Variants in IKZF4 observed in about 807,000 individuals in gnomAD.
IKZF4 encodes zinc finger protein Eos.
IKZF4 carries 11 observed loss-of-function variants against 47.7 expected under a neutral mutation model. The observed-to-expected ratio is 0.23, with a 90% CI of 0.15 to 0.38. The LOEUF is 0.38. Among genes scored for constraint, IKZF4 ranks in the 10% least tolerant of loss-of-function variants. The pLI is 1.00. For synonymous variants in IKZF4, 298 were observed against 299.4 expected (o/e 1.00, Z 0.05); for missense variants, 557 against 784.9 (o/e 0.71, Z 3.47).
At chr12:56,032,166 C>A in intron 5 of IKZF4, 1 of 163,734 alleles carries the variant, frequency 6.1e-6, no homozygotes, top group Non-Finnish European at 1.3e-5. Flanking sequence ...CATCCGCCTG[C>A]CAAATGGAAA....
intron 5 of IKZF4, among the ~76,000 whole-genome samples, chr12:56,031,469 T>C (rs975590681): frequency 6.6e-6 from 1 of 152,180 alleles, no homozygotes; most frequent in African/African-American, 2.4e-5. Flanking sequence ...CCAAGGGTCT[T>C]TGGGTGGATA....
chr12:56,020,301 G>A (rs1892678195), upstream of IKZF4, among the ~76,000 whole-genome samples: 1 of 152,142 alleles, frequency 6.6e-6, no homozygotes, highest in East Asian at 1.9e-4. Context: ...TTCCCTTCTG[G>A]GGCAGGGAAA....
At chr12:56,025,186 G>A (rs1250239425) in intron 3 of IKZF4, 28 bp downstream of exon 3, 4 of 1,513,430 alleles carry the variant, frequency 2.6e-6, no homozygotes, top group Non-Finnish European at 3.5e-6. Flanking sequence ...CCACCTCCTG[G>A]CAGTAGGCAC....
chr12:56,025,017 C>T, intron 2 of IKZF4, 37 bp from the exon 3 acceptor site: 2 of 1,556,232 alleles, frequency 1.3e-6, no homozygotes, highest in Non-Finnish European at 8.7e-7. Context: ...ATATCTCCAG[C>T]TCCAGCTTTA....
chr12:56,007,946 A>G (rs1459595271), intron 1 of IKZF4, among the ~76,000 whole-genome samples: 2 of 151,964 alleles, frequency 1.3e-5, no homozygotes, highest in Non-Finnish European at 2.9e-5. Context: ...AGAGCGAGGT[A>G]GCAGGGACTC....
intron 1 of IKZF4, 165 bp downstream of exon 1, chr12:56,021,745 G>A: frequency 3.8e-6 from 4 of 1,063,172 alleles, no homozygotes; most frequent in South Asian, 3.2e-5. Context: ...GGGGGAGGGG[G>A]CGTTCCTCCT....
intron 3 of IKZF4, 23 bp downstream of exon 3, chr12:56,025,181 T>G: frequency 6.6e-7 from 1 of 1,522,378 alleles, no homozygotes; most frequent in Non-Finnish European, 8.8e-7. Context: ...TCCTACCACC[T>G]CCTGGCAGTA....
At position 56,027,044 on chromosome 12, in the gene IKZF4, A is replaced by G. The variant is rs747109118; in HGVS notation, c.547+3A>G. On this transcript the variant is annotated splice_donor_region_variant and intron_variant, in intron 4 of 7. Coordinates refer to ENST00000547167, the MANE Select transcript of IKZF4 (RefSeq NM_022465.4). ...GGTGCACAAGCGCAGTCACACTGGT[A>G]AGTAAGCCAGAGGGGCTCTGGGAGG... 3.8e-5 allele frequency: 58 copies of G among 1,509,632 alleles called. No individual in the cohort carries two copies. The highest frequency in any genetic ancestry group is 4.3e-5 in the Non-Finnish European group (48 of 1,125,246). The allele number at this position is 1,509,632 out of a possible 1,614,324, so 93.5% of individuals were successfully genotyped here.
chr12:56,019,224 G>A (rs1312980291), upstream of IKZF4: 3 of 262,816 alleles, frequency 1.1e-5, no homozygotes, highest in Non-Finnish European at 1.8e-5. Context: ...AGAAATAATA[G>A]AAACCAAAAC....
At chr12:56,020,150 A>G (rs1170042430), upstream of IKZF4, among the ~76,000 whole-genome samples, 1 of 152,252 alleles carries the variant, frequency 6.6e-6, no homozygotes, top group East Asian at 1.9e-4. Context: ...CTTCTGCTCC[A>G]CGCCAGGTGA....
Position 56,034,867 on chromosome 12 carries a change from G to T in IKZF4, c.1294G>T (p.Gly432Cys), listed in dbSNP as rs1279077738. Residue 432 changes from glycine to cysteine, a missense_variant, in exon 8 of 8, where the codon GGT (glycine) becomes TGT (cysteine). This residue lies in a region of IKZF4 where 280 missense variants were observed against 314.0 expected (regional missense o/e 0.89). Transcript: ENST00000547167. Reference sequence around the variant, plus strand: ...GGGACCTGAGGACCTGGCTGATGGAGGTCCCCTCCTCTACCGGCCCCGAGG... The same window carrying T: ...GGGACCTGAGGACCTGGCTGATGGATGTCCCCTCCTCTACCGGCCCCGAGG... ...GEGPEDLADG[G>C]PLLYRPRGPL... 1 of 1,612,182 alleles carries T rather than the reference G, an allele frequency of 6.2e-7. No homozygotes were observed.
chr12:56,025,607 G>T (rs1893832813), intron 3 of IKZF4, among the ~76,000 whole-genome samples: 1 of 152,116 alleles, frequency 6.6e-6, no homozygotes, highest in Non-Finnish European at 1.5e-5. Context: ...AGGAATGTAG[G>T]TCGGAGCTAG....
At position 56,036,910 on chromosome 12, in the gene IKZF4, A is replaced by T. The variant is rs1322782973; in HGVS notation, c.*1579A>T. The T allele has an allele frequency of 6.6e-6, 1 of 151,460 alleles. No homozygotes were observed. Among genetic ancestry groups the T allele is most frequent in the African/African-American group, 2.4e-5 (1 of 41,192 alleles). The allele number at this position is 151,460 out of a possible 1,614,324, so 9.4% of individuals were successfully genotyped here. A position where few individuals can be genotyped will look rare whatever the true frequency, so the allele number is the denominator to read the frequency against. On this transcript the variant is annotated 3_prime_UTR_variant, in exon 8 of 8. Transcript: ENST00000547167. ...AAGGCTGTTTTTCTATGTTTAAAGAAAAAAAAAAGTAAAAACCAAACACAA... is the reference window on the plus strand; with the variant it reads ...AAGGCTGTTTTTCTATGTTTAAAGATAAAAAAAAGTAAAAACCAAACACAA...
In IKZF4 at chr12:56,037,136, T is replaced by G. The variant is rs1374283561; in HGVS notation, c.*1805T>G. On this transcript the variant is annotated 3_prime_UTR_variant, in exon 8 of 8. Transcript: ENST00000547167. The stretch of plus-strand genomic sequence containing the variant: ...ACCCTGGGATTAGGGCCTTAAGGGC[T>G]CTGAGAGGAGTCTACCTTGCCTTCT... 1 of 152,240 alleles carries G rather than the reference T, an allele frequency of 6.6e-6. No individual in the cohort carries two copies. Among genetic ancestry groups the G allele is most frequent in the Non-Finnish European group, 1.5e-5 (1 of 68,036 alleles). The allele number at this position is 152,240 out of a possible 1,614,324, so 9.4% of individuals were successfully genotyped here. A position where few individuals can be genotyped will look rare whatever the true frequency, so the allele number is the denominator to read the frequency against.
chr12:56,035,344 C>G lies in IKZF4; in HGVS notation c.*13C>G. The G allele has an allele frequency of 6.3e-7, 1 of 1,596,124 alleles. No homozygotes were observed. Among genetic ancestry groups the G allele is most frequent in the Non-Finnish European group, 8.5e-7 (1 of 1,170,394 alleles). On this transcript the variant is annotated 3_prime_UTR_variant, in exon 8 of 8. Transcript: ENST00000547167. This position sits in a 1 kb window ranked among gnomAD's most constrained non-coding sequence, Gnocchi z 6.1. Reference sequence around the variant, plus strand: ...TAAGGTGGGCTAGCAACCTCTCCCTCTCTCCTCAGTCCACCACTCCACTGC... The same window carrying G: ...TAAGGTGGGCTAGCAACCTCTCCCTGTCTCCTCAGTCCACCACTCCACTGC...
chr12:56,036,504 C>G lies in IKZF4; in HGVS notation c.*1173C>G, dbSNP rs1003817006. ...CCCTCTCATTCCCGGGCTCCTGGGC[C>G]CTGTTCTTAGGATCAGTGGCAGGGA... On this transcript the variant is annotated 3_prime_UTR_variant, in exon 8 of 8. Coordinates refer to ENST00000547167, the MANE Select transcript of IKZF4 (RefSeq NM_022465.4). 1.3e-5 allele frequency: 2 copies of G among 152,182 alleles called. No individual in the cohort carries two copies. Among genetic ancestry groups the G allele is most frequent in the African/African-American group, 4.8e-5 (2 of 41,432 alleles). 9.4% of individuals were successfully genotyped at this position (152,182 alleles called of 1,614,324 possible).
Position 56,036,440 on chromosome 12 carries a change from G to C in IKZF4, c.*1109G>C, listed in dbSNP as rs1042979173. 2.0e-5 allele frequency: 3 copies of C among 152,266 alleles called. No individual in the cohort carries two copies. Among genetic ancestry groups the C allele is most frequent in the Admixed American group, 1.3e-4 (2 of 15,280 alleles). The allele number at this position is 152,266 out of a possible 1,614,324, so 9.4% of individuals were successfully genotyped here. A position where few individuals can be genotyped will look rare whatever the true frequency, so the allele number is the denominator to read the frequency against. ...GACAAGGGGTTGTTTCAGCCCCTCAGTCATGCTGCCTTCTGCTGCTCCCTC... is the reference window on the plus strand; with the variant it reads ...GACAAGGGGTTGTTTCAGCCCCTCACTCATGCTGCCTTCTGCTGCTCCCTC... On this transcript the variant is annotated 3_prime_UTR_variant, in exon 8 of 8. Coordinates refer to ENST00000547167, the MANE Select transcript of IKZF4 (RefSeq NM_022465.4).
chr12:56,007,666 T>TCCCTCTCCCCCAACACTGTC (rs1341901954), exon 1 of IKZF4: 1 of 151,852 alleles, frequency 6.6e-6, no homozygotes, highest in Admixed American at 6.6e-5. Context: ...CCCCCTCGCC[T>TCCCTCTCCCCCAACACTGTC]CCCTCTCCCC....
upstream of IKZF4, among the ~76,000 whole-genome samples, chr12:56,017,269 G>A (rs929314105): frequency 8.7e-6 from 1 of 115,450 alleles, no homozygotes; most frequent in African/African-American, 3.5e-5. Context: ...AAATAAGCGT[G>A]GTAGAGTAAT....
Sources: gnomAD v4.1 joint callset for allele counts (sites outside exome capture counted in the v4.1 genomes callset) on GRCh38, gnomAD v4.1.1 for gene constraint, gnomAD v4.1.1 regional missense constraint, Gnocchi (gnomAD v3.1) non-coding constraint, MANE v1.5 for transcripts, NCBI Gene and HGNC (gene_info 2026-07-23, HGNC 2026-07-21) for gene names.